NCAM2: variants seen among roughly 807,000 people sequenced by gnomAD.
NCAM2 encodes neural cell adhesion molecule 2.
NCAM2 carries 30 observed loss-of-function variants against 98.1 expected under a neutral mutation model. The observed-to-expected ratio is 0.31, with a 90% CI of 0.23 to 0.41. The LOEUF (loss-of-function observed/expected upper bound fraction) is 0.41, where lower values mean the gene tolerates loss of function less well. Ranked by LOEUF, NCAM2 falls within the 10% of genes least tolerant of loss-of-function variation. The pLI is 1.00. For synonymous variants in NCAM2, 368 were observed against 342.4 expected, an observed-to-expected ratio of 1.07 and a Z score of -0.83; for missense variants, 867 against 1,005.8, an observed-to-expected ratio of 0.86 and a Z score of 1.87.
intron 10 of NCAM2, among the ~76,000 whole-genome samples, chr21:21,413,745 G>A (rs1182037126): frequency 6.6e-6 from 1 of 152,132 alleles, no homozygotes; most frequent in East Asian, 1.9e-4. Context: ...TTTTTCATTG[G>A]TGAAGCGTTT....
chr21:21,060,991 A>G (rs2065309767), intron 1 of NCAM2, among the ~76,000 whole-genome samples: 1 of 152,132 alleles, frequency 6.6e-6, no homozygotes, highest in African/African-American at 2.4e-5. Context: ...GTATGTGAGG[A>G]AGATTTTCAG....
chr21:21,383,925 TTAAG>T (rs778355897), intron 9 of NCAM2, among the ~76,000 whole-genome samples: 1 of 152,096 alleles, frequency 6.6e-6, no homozygotes, highest in Non-Finnish European at 1.5e-5. Context: ...AAAAAAGTGT[TTAAG>T]TATCTTTTCT....
At chr21:21,390,263 G>A (rs1375922501) in intron 9 of NCAM2, among the ~76,000 whole-genome samples, 1 of 151,856 alleles carries the variant, frequency 6.6e-6, no homozygotes, top group African/African-American at 2.4e-5. Context: ...TTTCAGTATG[G>A]CTCTTAGAAA....
chr21:21,362,795 A>G (rs1602108746), intron 8 of NCAM2, among the ~76,000 whole-genome samples: 1 of 152,282 alleles, frequency 6.6e-6, no homozygotes, highest in Admixed American at 6.5e-5. Flanking sequence ...ATGATAGACT[A>G]TTGATTTTTA....
At chr21:21,533,166 CTTT>C (rs201532023) in intron 16 of NCAM2, among the ~76,000 whole-genome samples, 1 of 93,804 alleles carries the variant, frequency 1.1e-5, no homozygotes, top group African/African-American at 4.2e-5. Context: ...TGTTTGCTTG[CTTT>C]TTTTTTTTTT....
intron 1 of NCAM2, among the ~76,000 whole-genome samples, chr21:21,147,655 A>G (rs2067320906): frequency 1.3e-5 from 2 of 149,406 alleles, no homozygotes; most frequent in Non-Finnish European, 3.0e-5. Context: ...TATTTAATAA[A>G]TTTATATATA....
chr21:21,200,648 A>G (rs1490050383), intron 1 of NCAM2, among the ~76,000 whole-genome samples: 1 of 151,946 alleles, frequency 6.6e-6, no homozygotes, highest in Non-Finnish European at 1.5e-5. Flanking sequence ...TTAACTTACC[A>G]CACTGCTATC....
At chr21:21,457,811 A>G (rs1343444142) in intron 12 of NCAM2, among the ~76,000 whole-genome samples, 1 of 152,218 alleles carries the variant, frequency 6.6e-6, no homozygotes, top group Non-Finnish European at 1.5e-5. Context: ...AAAGGGCTAG[A>G]GAAATACATG....
intron 1 of NCAM2, among the ~76,000 whole-genome samples, chr21:21,210,183 T>A (rs552280848): frequency 6.6e-6 from 1 of 152,334 alleles, no homozygotes; most frequent in South Asian, 2.1e-4. Context: ...TTGAGACATT[T>A]TATTAGAAAA....
At chr21:21,175,861 T>C (rs1400184253) in intron 1 of NCAM2, among the ~76,000 whole-genome samples, 1 of 152,222 alleles carries the variant, frequency 6.6e-6, no homozygotes, top group African/African-American at 2.4e-5. Flanking sequence ...CTAAAATGAA[T>C]AACCTAACAT....
intron 1 of NCAM2, among the ~76,000 whole-genome samples, chr21:21,010,442 C>T (rs1035033326): frequency 6.6e-6 from 1 of 152,050 alleles, no homozygotes; most frequent in Admixed American, 6.6e-5. Flanking sequence ...AGCTATTATG[C>T]AATACCCTAA....
intron 1 of NCAM2, among the ~76,000 whole-genome samples, chr21:21,191,725 C>G (rs909097745): frequency 3.0e-4 from 46 of 152,188 alleles, no homozygotes; most frequent in African/African-American, 1.1e-3. Context: ...ATTCTACATC[C>G]TCAGTATTTA....
chr21:21,072,717 A>C (rs2065598263), intron 1 of NCAM2, among the ~76,000 whole-genome samples: 1 of 152,174 alleles, frequency 6.6e-6, no homozygotes, highest in Non-Finnish European at 1.5e-5. Context: ...CCTAAAATTT[A>C]CTGCTGCCCT....
chr21:21,086,395 CTT>C (rs967569776), intron 1 of NCAM2, among the ~76,000 whole-genome samples: 5 of 152,150 alleles, frequency 3.3e-5, no homozygotes, highest in Admixed American at 6.5e-5. Context: ...ATTCATAACC[CTT>C]TACACATTTT....
intron 1 of NCAM2, among the ~76,000 whole-genome samples, chr21:21,117,454 A>G (rs1010979477): frequency 6.6e-6 from 1 of 152,232 alleles, no homozygotes; most frequent in African/African-American, 2.4e-5. Context: ...AGCATTATGC[A>G]CAACAGCTAA....
intron 1 of NCAM2, among the ~76,000 whole-genome samples, chr21:21,124,254 G>T (rs1216029080): frequency 6.6e-6 from 1 of 151,968 alleles, no homozygotes; most frequent in African/African-American, 2.4e-5. Flanking sequence ...CCAAACTCTT[G>T]CTGTTTTCCA....
rs540591677 is a variant in NCAM2, at chr21:21,243,926, A to G, written c.56-36652A>G. On this transcript the variant is annotated intron_variant, in intron 1 of 17. Transcript: ENST00000400546. The stretch of plus-strand genomic sequence containing the variant: ...CCATGATTCTAGTTACTGTATGCCC[A>G]TAAGGATCACCTGGAGAATGCTTTG... Among the ~76,000 whole-genome samples, 6 of 152,352 alleles carry G rather than the reference A, an allele frequency of 3.9e-5. No homozygotes were observed. In the East Asian group the frequency reaches 9.6e-4, roughly 24 times the overall value.
chr21:21,177,776 C>T (rs1390119271), intron 1 of NCAM2, among the ~76,000 whole-genome samples: 1 of 151,302 alleles, frequency 6.6e-6, no homozygotes, highest in Non-Finnish European at 1.5e-5. Context: ...TCATCCCCTG[C>T]CCTCCCCACT....
chr21:21,175,628 G>C (rs1380102872), intron 1 of NCAM2, among the ~76,000 whole-genome samples: 1 of 152,250 alleles, frequency 6.6e-6, no homozygotes, highest in Non-Finnish European at 1.5e-5. Flanking sequence ...GAATTAGTGA[G>C]GAGGGCATGT....
Sources: gnomAD v4.1 joint callset for allele counts (sites outside exome capture counted in the v4.1 genomes callset) on GRCh38, gnomAD v4.1.1 for gene constraint, MANE v1.5 for transcripts, NCBI Gene and HGNC (gene_info 2026-07-23, HGNC 2026-07-21) for gene names.